Variants in VNN1 observed in about 807,000 individuals in gnomAD.
VNN1 encodes the protein vanin 1.
VNN1 carries 29 observed loss-of-function variants against 41.9 expected under a neutral mutation model. The observed-to-expected ratio is 0.69, with a 90% confidence interval of 0.52 to 0.94. The LOEUF (loss-of-function observed/expected upper bound fraction) is 0.94. Among genes scored for constraint, VNN1 ranks in the 40% least tolerant of loss-of-function variants. The pLI, the probability that VNN1 is intolerant of heterozygous loss-of-function variation, is 0.00. For missense variants in VNN1, 637 were observed against 621.1 expected, an observed-to-expected ratio of 1.03 and a Z score of -0.27; for synonymous variants, 233 against 224.4, an observed-to-expected ratio of 1.04 and a Z score of -0.34.
In VNN1 at chr6:132,682,131, ACT is replaced by A. The variant is rs1181650180; in HGVS notation, c.*1007_*1008del. ...TAAATATCTAATTTCTTAAAATGGG[ACT>A]CTCTGGTTTTCTAATTCCAGAGGAA... On this transcript the variant is annotated 3_prime_UTR_variant, in exon 7 of 7. Coordinates refer to ENST00000367928, the MANE Select transcript of VNN1 (RefSeq NM_004666.3). The A allele has an allele frequency of 1.3e-5, 2 of 152,212 alleles. No homozygotes were observed. Among genetic ancestry groups the A allele is most frequent in the African/African-American group, 4.8e-5 (2 of 41,526 alleles). The allele number at this position is 152,212 out of a possible 1,614,324, so 9.4% of individuals were successfully genotyped here. A position where few individuals can be genotyped will look rare whatever the true frequency, so the allele number is the denominator to read the frequency against.
chr6:132,693,064 G>A lies in VNN1; in HGVS notation c.786C>T (p.Phe262=). 4 of 1,613,690 alleles carry A rather than the reference G, an allele frequency of 2.5e-6. No individual in the cohort carries two copies. The highest frequency in any genetic ancestry group is 1.7e-4 in the Middle Eastern group (1 of 6,060). Residue 262 remains phenylalanine, a synonymous_variant, in exon 4 of 7, where the codon TTC becomes TTT. Coordinates refer to ENST00000367928, the MANE Select transcript of VNN1 (RefSeq NM_004666.3). ...AGGGGTAATGTATGTTGGATGCAAG[G>A]AAATTGACCCTCATGCCCATAGCCC... ...SAWAMGMRVN[F]LASNIHYPSK...
chr6:132,683,776 A>T (rs532771139), intron 6 of VNN1, among the ~76,000 whole-genome samples: 1 of 152,208 alleles, frequency 6.6e-6, no homozygotes, highest in Non-Finnish European at 1.5e-5. Flanking sequence ...TCTACCAGGA[A>T]CGGGGAGTGG....
intron 2 of VNN1, among the ~76,000 whole-genome samples, chr6:132,709,719 C>CATT (rs1778571616): frequency 6.6e-6 from 1 of 151,310 alleles, no homozygotes; most frequent in African/African-American, 2.4e-5. Context: ...ATTCAGACAT[C>CATT]ATTAGTTGAT....
In VNN1 at chr6:132,693,164, A is replaced by G. The variant is rs1387052893; in HGVS notation, c.686T>C (p.Val229Ala). The G allele has an allele frequency of 6.2e-7, 1 of 1,614,164 alleles. No homozygotes were observed. The highest frequency in any genetic ancestry group is 1.3e-5 in the African/African-American group (1 of 75,060). Residue 229 changes from valine to alanine, a missense_variant, in exon 4 of 7, where the codon GTG (valine) becomes GCG (alanine). By Grantham distance (64) the Val-to-Ala change is moderately conservative (BLOSUM62 0). Coordinates refer to ENST00000367928, the MANE Select transcript of VNN1 (RefSeq NM_004666.3). Reference sequence around the variant, plus strand: ...AGCTGTTGGGAATACTATGGTGTCCACGTGGAAATCTTTCACCAAGGTAAC... The same window carrying G: ...AGCTGTTGGGAATACTATGGTGTCCGCGTGGAAATCTTTCACCAAGGTAAC... The part of the protein sequence containing the change: ...PAVTLVKDFH[V>A]DTIVFPTAWM...
intron 2 of VNN1, among the ~76,000 whole-genome samples, chr6:132,696,292 A>G (rs1778370479): frequency 2.0e-5 from 3 of 152,206 alleles, no homozygotes; most frequent in Non-Finnish European, 2.9e-5. Flanking sequence ...TCTGCAGAAC[A>G]ACAACAAAAA....
intron 2 of VNN1, among the ~76,000 whole-genome samples, chr6:132,702,648 G>A (rs78183812): frequency 0.047 from 7,127 of 152,242 alleles, 363 homozygotes; most frequent in South Asian, 0.14. Context: ...AGCATAAAGA[G>A]GACTTTGTCT....
At chr6:132,686,307 G>C (rs941287281) in intron 5 of VNN1, among the ~76,000 whole-genome samples, 1 of 152,130 alleles carries the variant, frequency 6.6e-6, no homozygotes, top group Admixed American at 6.5e-5. Flanking sequence ...AATTAGCTGG[G>C]AGTGGTGGCA....
chr6:132,707,420 G>A (rs533905630), intron 2 of VNN1, among the ~76,000 whole-genome samples: 9 of 152,212 alleles, frequency 5.9e-5, no homozygotes, highest in African/African-American at 2.2e-4. Flanking sequence ...GCCACCATAC[G>A]ATCCAGCAAT....
chr6:132,693,568 T>C (rs1489016322), intron 3 of VNN1, among the ~76,000 whole-genome samples: 1 of 152,196 alleles, frequency 6.6e-6, no homozygotes, highest in African/African-American at 2.4e-5. Context: ...TTATAAGACA[T>C]AAAATAGATT....
At chr6:132,701,123 G>A (rs568315851) in intron 2 of VNN1, among the ~76,000 whole-genome samples, 12 of 152,282 alleles carry the variant, frequency 7.9e-5, no homozygotes, top group Admixed American at 3.3e-4. Context: ...AAGGTACACT[G>A]TGACTCTTTA....
rs1475163810 is a variant in VNN1, at chr6:132,696,191, T to C, written c.342-2009A>G. Among the ~76,000 whole-genome samples the C allele has an allele frequency of 2.0e-5, 3 of 151,982 alleles. No homozygotes were observed. In the East Asian group the frequency reaches 5.8e-4, roughly 29 times the overall value. ...GAGCTGAAAATTACAATAACTGAAATGAATATTTTATAGGAGGATTCGAAG... is the reference window on the plus strand; with the variant it reads ...GAGCTGAAAATTACAATAACTGAAACGAATATTTTATAGGAGGATTCGAAG... On this transcript the variant is annotated intron_variant, in intron 2 of 6. Transcript: ENST00000367928.
intron 2 of VNN1, among the ~76,000 whole-genome samples, chr6:132,697,883 C>T (rs1778394963): frequency 6.6e-6 from 1 of 152,086 alleles, no homozygotes; most frequent in African/African-American, 2.4e-5. Context: ...CACATTGAAC[C>T]ACTTGAAACA....
intron 6 of VNN1, 26 bp downstream of exon 6, chr6:132,684,309 A>G: frequency 1.3e-6 from 2 of 1,596,734 alleles, no homozygotes; most frequent in Non-Finnish European, 1.7e-6. Flanking sequence ...ACATGAAACT[A>G]ATTGGCAATA....
intron 2 of VNN1, among the ~76,000 whole-genome samples, chr6:132,695,563 A>G (rs1778357174): frequency 6.6e-6 from 1 of 152,198 alleles, no homozygotes; most frequent in Admixed American, 6.5e-5. Flanking sequence ...GCAAGCAGCT[A>G]TTGTTGTGTA....
chr6:132,711,967 A>C, intron 1 of VNN1, 128 bp from the exon 2 acceptor site: 1 of 913,034 alleles, frequency 1.1e-6, no homozygotes, highest in Admixed American at 4.0e-5. Context: ...ATATTTTTAT[A>C]ATTTATTTTC....
At chr6:132,691,273 A>C (rs377384548) in intron 5 of VNN1, among the ~76,000 whole-genome samples, 1 of 152,214 alleles carries the variant, frequency 6.6e-6, no homozygotes, top group South Asian at 2.1e-4. Flanking sequence ...CTGTAACTAC[A>C]ATATGGAGAA....
intron 2 of VNN1, among the ~76,000 whole-genome samples, chr6:132,695,105 T>C (rs938566813): frequency 6.6e-6 from 1 of 152,130 alleles, no homozygotes; most frequent in African/African-American, 2.4e-5. Context: ...TGAGCTGAGA[T>C]CATGCCATTG....
At chr6:132,713,794 C>A (rs1273035648) in intron 1 of VNN1, 32 bp downstream of exon 1, 18 of 1,609,450 alleles carry the variant, frequency 1.1e-5, no homozygotes, top group Non-Finnish European at 1.5e-5. Context: ...CTCATAGAAT[C>A]CAGTACACTG....
rs1229629896 is a variant in VNN1 at position 132,693,084 on chromosome 6, T to TA, written c.765dup (p.Met256TyrfsTer36). The TA allele has an allele frequency of 2.5e-6, 4 of 1,613,978 alleles. No homozygotes were observed. On this transcript the variant is annotated frameshift_variant, in exon 4 of 7. Transcript: ENST00000367928. LOFTEE classifies it high-confidence loss of function. ...GCAAGGAAATTGACCCTCATGCCCATAGCCCAAGCTGAGTGGAATTCAACA... is the reference window on the plus strand; with the variant it reads ...GCAAGGAAATTGACCCTCATGCCCATAAGCCCAAGCTGAGTGGAATTCAACA...
Sources: gnomAD v4.1 joint callset for allele counts (sites outside exome capture counted in the v4.1 genomes callset) on GRCh38, gnomAD v4.1.1 for gene constraint, MANE v1.5 for transcripts, NCBI Gene and HGNC (gene_info 2026-07-23, HGNC 2026-07-21) for gene names.